Variants in ITPR3 observed in about 807,000 individuals in gnomAD.
ITPR3 encodes the protein inositol 1,4,5-trisphosphate-gated calcium channel ITPR3.
In ITPR3, 173 loss-of-function variants were observed where a neutral mutation model predicts 293.2. That is an observed-to-expected ratio of 0.59 (90% confidence interval 0.52 to 0.67). The LOEUF is 0.67. Ranked by LOEUF, ITPR3 falls within the 30% of genes least tolerant of loss-of-function variation. The pLI, the probability that ITPR3 is intolerant of heterozygous loss-of-function variation, is 0.00. For synonymous variants in ITPR3, 1,295 were observed against 1,444.4 expected (o/e 0.90, Z 2.35); for missense variants, 2,796 against 3,592.1 (o/e 0.78, Z 5.66).
At chr6:33,635,294 A>G (rs1379923469) in intron 1 of ITPR3, among the ~76,000 whole-genome samples, 2 of 152,034 alleles carry the variant, frequency 1.3e-5, no homozygotes, top group Non-Finnish European at 2.9e-5. Flanking sequence ...CATATTCTTT[A>G]TATTATTTAT....
At chr6:33,657,085 A>G (rs116222894) in intron 3 of ITPR3, among the ~76,000 whole-genome samples, 1 of 152,168 alleles carries the variant, frequency 6.6e-6, no homozygotes, top group African/African-American at 2.4e-5. Flanking sequence ...ACACAGCCAC[A>G]TGCTGTTGCT....
At chr6:33,677,190 G>A in intron 27 of ITPR3, 101 bp downstream of exon 27, 1 of 1,072,874 alleles carries the variant, frequency 9.3e-7, no homozygotes, top group Non-Finnish European at 1.4e-6. Context: ...GCTGGCCACT[G>A]GCCCTCACAA....
intron 1 of ITPR3, among the ~76,000 whole-genome samples, chr6:33,626,839 C>G (rs1034885726): frequency 1.3e-5 from 2 of 152,102 alleles, no homozygotes; most frequent in Non-Finnish European, 2.9e-5. Flanking sequence ...GAGTTTTGCT[C>G]TTGTTTTCCA....
In ITPR3 at chr6:33,666,792, T is replaced by C. The variant is rs1292202055; in HGVS notation, c.1552-337T>C. ...GGCCTGTGTCTCATCTCTTAAGCTC[T>C]GGCCACAGCGGTCCGGCCTGCCTTT... is the stretch of plus-strand genomic sequence containing the variant. On this transcript the variant is annotated intron_variant, in intron 14 of 57. Transcript: ENST00000605930. This position sits in a 1 kb window ranked among gnomAD's most constrained non-coding sequence, Gnocchi z 5.1. 6.6e-6 allele frequency among the ~76,000 whole-genome samples: 1 copy of C among 152,214 alleles called. No homozygotes were observed. Among genetic ancestry groups the C allele is most frequent in the Non-Finnish European group, 1.5e-5 (1 of 68,046 alleles).
chr6:33,658,559 A>T lies in ITPR3; in HGVS notation c.370-111A>T, dbSNP rs1212303918. On this transcript the variant is annotated intron_variant, in intron 4 of 57. Transcript: ENST00000605930. The surrounding 1 kb of genome is among the most constrained non-coding windows in gnomAD (Gnocchi z 6.1). Reference sequence around the variant, plus strand: ...ATGTTTGTGACAGGTGTCTGACACTATGTGTGCAGCCAGAATGTGACCAAG... The same window carrying T: ...ATGTTTGTGACAGGTGTCTGACACTTTGTGTGCAGCCAGAATGTGACCAAG... 6 of 1,266,490 alleles carry T rather than the reference A, an allele frequency of 4.7e-6. No homozygotes were observed. Among genetic ancestry groups the T allele is most frequent in the Non-Finnish European group, 4.4e-6 (4 of 899,768 alleles). The allele number at this position is 1,266,490 out of a possible 1,614,324, so 78.5% of individuals were successfully genotyped here. A position where few individuals can be genotyped will look rare whatever the true frequency, so the allele number is the denominator to read the frequency against.
rs181290069 is a variant in ITPR3 at position 33,671,145 on chromosome 6, C to T, written c.2587-20C>T. ...CGCGCCGGCCCCTCCCACCTCACCTCGGCCACGCCCCCTTCGCAGGTGGTC... is the reference window on the plus strand; with the variant it reads ...CGCGCCGGCCCCTCCCACCTCACCTTGGCCACGCCCCCTTCGCAGGTGGTC... On this transcript the variant is annotated intron_variant, in intron 20 of 57. Coordinates refer to ENST00000605930, the MANE Select transcript of ITPR3 (RefSeq NM_002224.4). 29 of 1,612,194 alleles carry T rather than the reference C, an allele frequency of 1.8e-5. No homozygotes were observed. Among genetic ancestry groups the T allele is most frequent in the Non-Finnish European group, 9.3e-6 (11 of 1,179,296 alleles).
At chr6:33,653,192 A>G (rs1013140649) in intron 2 of ITPR3, among the ~76,000 whole-genome samples, 1 of 151,824 alleles carries the variant, frequency 6.6e-6, no homozygotes, top group Non-Finnish European at 1.5e-5. Flanking sequence ...ACAGATGCAC[A>G]CCACCATGCC....
rs377158163 is a variant in ITPR3 at position 33,631,423 on chromosome 6, G to A, written c.90-9061G>A. On this transcript the variant is annotated intron_variant, in intron 1 of 57. Coordinates refer to ENST00000605930, the MANE Select transcript of ITPR3 (RefSeq NM_002224.4). ...CAAGTCATGTGATTACAGGATAGGC[G>A]GCCCTTCCCTTTTAGGTAGCCGAAG... is the stretch of plus-strand genomic sequence containing the variant. Among the ~76,000 whole-genome samples, 27 of 152,276 alleles carry A rather than the reference G, an allele frequency of 1.8e-4. No homozygotes were observed. In the East Asian group the frequency reaches 3.9e-3, roughly 22 times the overall value.
In ITPR3 at chr6:33,655,931, G is replaced by T; in HGVS notation, c.282+44G>T. The T allele has an allele frequency of 6.2e-7, 1 of 1,611,084 alleles. No homozygotes were observed. Among genetic ancestry groups the T allele is most frequent in the South Asian group, 1.1e-5 (1 of 90,898 alleles). ...GCGTGCATCTGTGCACATGTACCAG[G>T]AACCTGGGTACACAAGCAGCGGTGC... On this transcript the variant is annotated intron_variant, in intron 3 of 57. Transcript: ENST00000605930. This position sits in a 1 kb window ranked among gnomAD's most constrained non-coding sequence, Gnocchi z 4.9.
chr6:33,688,562 A>G, intron 48 of ITPR3, 94 bp from the exon 49 acceptor site: 1 of 1,561,864 alleles, frequency 6.4e-7, no homozygotes, highest in Non-Finnish European at 8.7e-7. Flanking sequence ...GGGCTCTTCC[A>G]TGTGTGGCTT....
chr6:33,657,815 CTGTGTGTG>C (rs3831080), intron 3 of ITPR3, 109 bp from the exon 4 acceptor site: 3 of 708,612 alleles, frequency 4.2e-6, no homozygotes, highest in Non-Finnish European at 4.7e-6. Context: ...TCCAGGGTGA[CTGTGTGTG>C]TGTGTGTGTG....
At chr6:33,690,819 G>T in intron 51 of ITPR3, 98 bp from the exon 52 acceptor site, 1 of 1,148,014 alleles carries the variant, frequency 8.7e-7, no homozygotes, top group South Asian at 1.4e-5. Context: ...GAAACTGTCT[G>T]GAGCCCAGGC....
chr6:33,659,085 A>G lies in ITPR3; in HGVS notation c.593A>G (p.Asn198Ser). ...VNAGQPLHAS[N>S]YELSDNAGCK... is the part of the protein sequence containing the mutation. ...GCCGGGCAGCCTCTGCATGCCAGCA[A>G]TTACGAGCTCAGCGACAACGCCGGC... is the stretch of plus-strand genomic sequence containing the variant. The change falls in exon 6 of 58, where the codon AAT becomes AGT. Residue 198 changes from asparagine to serine, a missense_variant. Transcript: ENST00000605930. The G allele has an allele frequency of 6.2e-7, 1 of 1,613,924 alleles. No homozygotes were observed. Among genetic ancestry groups the G allele is most frequent in the Non-Finnish European group, 8.5e-7 (1 of 1,179,940 alleles).
Position 33,692,054 on chromosome 6 carries a change from T to A in ITPR3, c.7458+126T>A. 7.8e-7 allele frequency: 1 copy of A among 1,282,306 alleles called. No individual in the cohort carries two copies. The highest frequency in any genetic ancestry group is 1.1e-6 in the Non-Finnish European group (1 of 905,198). 79.4% of individuals were successfully genotyped at this position (1,282,306 alleles called of 1,614,324 possible). ...GGTTGAACCCCCTCCCCCGAACTTG[T>A]ATCCACTTTTCCCTGCTTTCCACAC... On this transcript the variant is annotated intron_variant, in intron 54 of 57. Coordinates refer to ENST00000605930, the MANE Select transcript of ITPR3 (RefSeq NM_002224.4). This position sits in a 1 kb window ranked among gnomAD's most constrained non-coding sequence, Gnocchi z 4.2.
At position 33,624,963 on chromosome 6, in the gene ITPR3, T is replaced by A. The variant is rs1370727628; in HGVS notation, c.89+3272T>A. On this transcript the variant is annotated intron_variant, in intron 1 of 57. Transcript: ENST00000605930. This position sits in a 1 kb window ranked among gnomAD's most constrained non-coding sequence, Gnocchi z 4.7. The stretch of plus-strand genomic sequence containing the variant: ...CTCTAGGTGGGAAGGATGGGAGGGA[T>A]CTGGGTAGTGGATCCAGGAGCGGTT... Among the ~76,000 whole-genome samples, 1 of 152,174 alleles carries A rather than the reference T, an allele frequency of 6.6e-6. No individual in the cohort carries two copies. The highest frequency in any genetic ancestry group is 1.5e-5 in the Non-Finnish European group (1 of 68,026).
rs144130251 is a variant in ITPR3 at position 33,644,955 on chromosome 6, C to A, written c.160+4401C>A. 4.0e-5 allele frequency among the ~76,000 whole-genome samples: 6 copies of A among 151,740 alleles called. 1 individual carries two copies. The highest frequency in any genetic ancestry group is 1.5e-4 in the African/African-American group (6 of 41,378). ...TTGGGATTACAGGTATGAGCCACTG[C>A]ACCTGGCTAAGTTTTTATATTTTTT... On this transcript the variant is annotated intron_variant, in intron 2 of 57. Transcript: ENST00000605930.
chr6:33,633,040 G>A lies in ITPR3; in HGVS notation c.90-7444G>A, dbSNP rs993121182. Among the ~76,000 whole-genome samples, 2 of 152,210 alleles carry A rather than the reference G, an allele frequency of 1.3e-5. No individual in the cohort carries two copies. Among genetic ancestry groups the A allele is most frequent in the African/African-American group, 2.4e-5 (1 of 41,438 alleles). The stretch of plus-strand genomic sequence containing the variant: ...TGTGGTAAGAACACAATGAGATACT[G>A]GATGTAAAAACGATTGATAAACTAT... On this transcript the variant is annotated intron_variant, in intron 1 of 57. Transcript: ENST00000605930. This position sits in a 1 kb window ranked among gnomAD's most constrained non-coding sequence, Gnocchi z 5.2.
At chr6:33,694,777 G>A in intron 56 of ITPR3, 147 bp from the exon 57 acceptor site, 1 of 1,009,092 alleles carries the variant, frequency 9.9e-7, no homozygotes, top group Non-Finnish European at 1.5e-6. Context: ...GGAGGACCAG[G>A]TCAATTCAGA....
At chr6:33,676,659 G>T (rs990666027) in intron 25 of ITPR3, 109 bp from the exon 26 acceptor site, 61 of 1,282,794 alleles carry the variant, frequency 4.8e-5, no homozygotes, top group Non-Finnish European at 6.3e-5. Context: ...GAGAGGGACA[G>T]GTGGTGGTCT....
Sources: allele counts gnomAD v4.1 joint callset (sites outside exome capture counted in the v4.1 genomes callset), GRCh38; gene constraint gnomAD v4.1.1; non-coding constraint Gnocchi (gnomAD v3.1); transcripts MANE v1.5; gene names NCBI Gene and HGNC (gene_info 2026-07-23, HGNC 2026-07-21).